The following UNC80 variants were observed in gnomAD, a reference collection of about 807,000 sequenced individuals.
UNC80 encodes unc-80 subunit of NALCN channel complex.
In UNC80, 164 loss-of-function variants were observed where a neutral mutation model predicts 384.6. The ratio of observed to expected loss-of-function variants is 0.43; its 90% CI spans 0.38 to 0.49. The LOEUF is 0.49. Ranked by LOEUF, UNC80 falls within the 20% of genes least tolerant of loss-of-function variation. The pLI, the probability that UNC80 is intolerant of heterozygous loss-of-function variation, is 0.00. For synonymous variants in UNC80, 1,486 were observed against 1,527.8 expected, an observed-to-expected ratio of 0.97 and a Z score of 0.64; for missense variants, 3,330 against 4,143.0, an observed-to-expected ratio of 0.80 and a Z score of 5.39.
intron 33 of UNC80, among the ~76,000 whole-genome samples, chr2:209,919,166 C>T (rs190666948): frequency 2.8e-3 from 426 of 152,174 alleles, no homozygotes; most frequent in Non-Finnish European, 5.0e-3. Flanking sequence ...AACTCATAAA[C>T]GGTCAGATTT....
chr2:209,896,544 T>C, intron 28 of UNC80, 131 bp downstream of exon 28: 3 of 759,036 alleles, frequency 4.0e-6, no homozygotes, highest in Non-Finnish European at 6.7e-6. Context: ...CAGGGGCTTA[T>C]GTTTTACCTG....
rs189122760 is a variant in UNC80 at position 209,977,548 on chromosome 2, G to T, written c.8938+470G>T. On this transcript the variant is annotated intron_variant, in intron 58 of 64. Transcript: ENST00000673920. ...AAAAAATGAGGAAACAGACACAGTA[G>T]AAAATAGATAAATAATTTACAAGTA... 2.0e-3 allele frequency among the ~76,000 whole-genome samples: 306 copies of T among 152,228 alleles called. 1 individual carries two copies. The highest frequency in any genetic ancestry group is 6.9e-3 in the African/African-American group (286 of 41,548).
Position 209,995,722 on chromosome 2 carries a change from A to C in UNC80, c.*127A>C. The C allele has an allele frequency of 8.8e-7, 1 of 1,135,090 alleles. No homozygotes were observed. The highest frequency in any genetic ancestry group is 1.2e-6 in the Non-Finnish European group (1 of 815,528). The allele number at this position is 1,135,090 out of a possible 1,614,324, so 70.3% of individuals were successfully genotyped here. On this transcript the variant is annotated 3_prime_UTR_variant, in exon 65 of 65. Coordinates refer to ENST00000673920, the MANE Select transcript of UNC80 (RefSeq NM_001371986.1). ...CACTTTACTTCTAATGGGTGGCACA[A>C]ATCTGAATAGGTTTTGCTGCCAATA...
chr2:209,865,461 G>A (rs2083667396), intron 22 of UNC80, among the ~76,000 whole-genome samples: 1 of 151,934 alleles, frequency 6.6e-6, no homozygotes, highest in Admixed American at 6.6e-5. Flanking sequence ...AATTAGCCAG[G>A]CGTTGTGGCG....
rs1318218394 is a variant in UNC80 at position 209,943,382 on chromosome 2, G to C, written c.6918G>C (p.Val2306=). 1.9e-5 allele frequency: 30 copies of C among 1,551,972 alleles called. No homozygotes were observed. Among genetic ancestry groups the C allele is most frequent in the Non-Finnish European group, 2.6e-5 (30 of 1,147,042 alleles). Residue 2306 remains valine, a splice_region_variant and synonymous_variant, in exon 45 of 65, where the codon GTG becomes GTC. Coordinates refer to ENST00000673920, the MANE Select transcript of UNC80 (RefSeq NM_001371986.1). ...GAATATCTGGCATTTTTCCATAGGT[G>C]TACTCCGACTATGAAAGCAATCCCC... ...YQWILPTMLQ[V]YSDYESNPQL...
intron 35 of UNC80, 149 bp from the exon 36 acceptor site, chr2:209,926,694 T>C (rs2090462261): frequency 5.4e-6 from 5 of 931,306 alleles, no homozygotes; most frequent in Non-Finnish European, 8.0e-6. Context: ...GAGGATCTCT[T>C]GAGCCCAAGA....
At chr2:209,919,777 G>A (rs2089887107) in intron 33 of UNC80, among the ~76,000 whole-genome samples, 1 of 152,046 alleles carries the variant, frequency 6.6e-6, no homozygotes, top group South Asian at 2.1e-4. Context: ...TCCCATATGT[G>A]CAGTAATTTC....
intron 26 of UNC80, among the ~76,000 whole-genome samples, chr2:209,893,645 C>T (rs1376731798): frequency 6.6e-6 from 1 of 152,050 alleles, no homozygotes; most frequent in Non-Finnish European, 1.5e-5. Flanking sequence ...CCAAAGCACC[C>T]CAGTGAAGAC....
intron 46 of UNC80, 53 bp downstream of exon 46, chr2:209,945,242 T>C: frequency 6.6e-7 from 1 of 1,518,782 alleles, no homozygotes; most frequent in Non-Finnish European, 8.9e-7. Context: ...TTGTTAAATA[T>C]AAATATATGT....
At chr2:209,831,394 G>A in intron 15 of UNC80, 49 bp from the exon 16 acceptor site, 1 of 1,515,328 alleles carries the variant, frequency 6.6e-7, no homozygotes, top group Non-Finnish European at 8.8e-7. Context: ...CCTACCCATT[G>A]TGTAGCTTAA....
At chr2:209,773,810 G>A (rs768814354) in intron 2 of UNC80, among the ~76,000 whole-genome samples, 65 of 152,294 alleles carry the variant, frequency 4.3e-4, no homozygotes, top group Non-Finnish European at 7.9e-4. Flanking sequence ...TCTTGCATAT[G>A]TTCTCCAATT....
intron 18 of UNC80, among the ~76,000 whole-genome samples, chr2:209,835,287 A>G (rs2081263072): frequency 6.6e-6 from 1 of 152,186 alleles, no homozygotes; most frequent in South Asian, 2.1e-4. Flanking sequence ...CACCTTGAAA[A>G]ATGGCATATA....
intron 39 of UNC80, among the ~76,000 whole-genome samples, chr2:209,934,359 T>C (rs900570207): frequency 1.3e-5 from 2 of 152,214 alleles, no homozygotes; most frequent in African/African-American, 2.4e-5. Context: ...TTGTATGGCA[T>C]GGACTCCAGT....
At chr2:209,865,574 C>CTCCG (rs1559224803) in intron 22 of UNC80, among the ~76,000 whole-genome samples, 3 of 150,168 alleles carry the variant, frequency 2.0e-5, no homozygotes, top group South Asian at 4.2e-4. Context: ...TGCACTCCAG[C>CTCCG]TCCGTCTCAG....
intron 35 of UNC80, among the ~76,000 whole-genome samples, chr2:209,923,886 A>T (rs1284166467): frequency 2.0e-5 from 3 of 152,012 alleles, no homozygotes; most frequent in African/African-American, 7.2e-5. Context: ...TTGCCTTTTG[A>T]TTAGTCAGTT....
At chr2:209,959,795 TC>T in intron 51 of UNC80, 88 bp downstream of exon 51, 1 of 1,241,924 alleles carries the variant, frequency 8.1e-7, no homozygotes, top group African/African-American at 1.5e-5. Context: ...GTGGGGGTTC[TC>T]CAGGAAAAAC....
At position 209,995,633 on chromosome 2, in the gene UNC80, A is replaced by T. The variant is rs1406148585; in HGVS notation, c.*38A>T. On this transcript the variant is annotated 3_prime_UTR_variant, in exon 65 of 65. Transcript: ENST00000673920. ...TAAGCTCTGCAGGTATAGAGAAGAC[A>T]TGAAAGTGATCTCTCTACTACAAGT... 1 of 1,542,118 alleles carries T rather than the reference A, an allele frequency of 6.5e-7. No individual in the cohort carries two copies. The highest frequency in any genetic ancestry group is 2.0e-5 in the Admixed American group (1 of 50,364).
chr2:209,804,750 G>C (rs1295011360), intron 7 of UNC80, among the ~76,000 whole-genome samples: 3 of 133,794 alleles, frequency 2.2e-5, no homozygotes, highest in African/African-American at 3.1e-5. Context: ...TTAATTTAGA[G>C]AGTTTTTTTT....
At chr2:209,853,728 T>C (rs1418236177) in intron 22 of UNC80, among the ~76,000 whole-genome samples, 1 of 152,132 alleles carries the variant, frequency 6.6e-6, no homozygotes, top group Admixed American at 6.6e-5. Context: ...TTTTCTTATT[T>C]ATCCAGTTGA....
Sources: allele counts gnomAD v4.1 joint callset (sites outside exome capture counted in the v4.1 genomes callset), GRCh38; gene constraint gnomAD v4.1.1; transcripts MANE v1.5; gene names NCBI Gene and HGNC (gene_info 2026-07-23, HGNC 2026-07-21).